The following DGKB variants were observed in gnomAD, a reference collection of about 807,000 sequenced individuals.
The protein encoded by DGKB is diacylglycerol kinase beta.
Under a neutral mutation model 114.3 loss-of-function variants are expected in DGKB, and 67 were observed. The observed-to-expected ratio is 0.59, with a 90% CI of 0.48 to 0.72. DGKB has a LOEUF of 0.72. Ranked by LOEUF, DGKB falls within the 30% of genes least tolerant of loss-of-function variation. DGKB has a pLI of 0.00. For synonymous variants in DGKB, 398 were observed against 323.1 expected (o/e 1.23, Z -2.49); for missense variants, 907 against 975.2 (o/e 0.93, Z 0.93).
chr7:14,813,122 T>C (rs1220532928), intron 2 of DGKB, among the ~76,000 whole-genome samples: 1 of 152,190 alleles, frequency 6.6e-6, no homozygotes, highest in African/African-American at 2.4e-5. Flanking sequence ...TTCAAAGATG[T>C]GTGAGAGGAA....
intron 23 of DGKB, among the ~76,000 whole-genome samples, chr7:14,333,474 A>G (rs1810099079): frequency 6.6e-6 from 1 of 151,904 alleles, no homozygotes; most frequent in African/African-American, 2.4e-5. Flanking sequence ...AAAAAAAAAA[A>G]AAAAAAAATC....
Position 14,613,433 on chromosome 7 carries a change from C to T in DGKB, c.1285-20G>A. 7.1e-7 allele frequency: 1 copy of T among 1,408,592 alleles called. No homozygotes were observed. The highest frequency in any genetic ancestry group is 9.7e-7 in the Non-Finnish European group (1 of 1,026,460). The allele number at this position is 1,408,592 out of a possible 1,614,324, so 87.3% of individuals were successfully genotyped here. A position where few individuals can be genotyped will look rare whatever the true frequency, so the allele number is the denominator to read the frequency against. Reference sequence around the variant, plus strand: ...AGTGACCTATAAGAAAAGTTATATACATGGAAAAATTATTAGGCCCATTAT... The same window carrying T: ...AGTGACCTATAAGAAAAGTTATATATATGGAAAAATTATTAGGCCCATTAT... On this transcript the variant is annotated intron_variant, in intron 15 of 25. Transcript: ENST00000402815.
intron 2 of DGKB, among the ~76,000 whole-genome samples, chr7:14,827,354 C>A (rs942176587): frequency 2.0e-5 from 3 of 151,930 alleles, no homozygotes; most frequent in Admixed American, 2.0e-4. Flanking sequence ...GTTTCAGAAG[C>A]CTCTTCTGTG....
chr7:14,312,898 T>C (rs1805651584), intron 23 of DGKB, among the ~76,000 whole-genome samples: 1 of 152,222 alleles, frequency 6.6e-6, no homozygotes, highest in African/African-American at 2.4e-5. Flanking sequence ...TCAACAAGTA[T>C]GATTTTTGAT....
At chr7:14,351,994 C>T (rs192990662) in intron 21 of DGKB, among the ~76,000 whole-genome samples, 198 of 152,064 alleles carry the variant, frequency 1.3e-3, no homozygotes, top group Non-Finnish European at 4.6e-4. Context: ...AATATTCACA[C>T]CGAAGAAGGC....
At chr7:14,891,660 T>G (rs1781246341) in intron 1 of DGKB, among the ~76,000 whole-genome samples, 1 of 151,356 alleles carries the variant, frequency 6.6e-6, no homozygotes, top group South Asian at 2.1e-4. Flanking sequence ...ATTGAGGATA[T>G]TAATGATTTT....
intron 23 of DGKB, among the ~76,000 whole-genome samples, chr7:14,310,306 C>T (rs1299395162): frequency 3.3e-5 from 5 of 152,076 alleles, no homozygotes; most frequent in Non-Finnish European, 7.4e-5. Context: ...CATTACAGAA[C>T]AGGGATTCTT....
At chr7:14,346,492 T>A (rs1562980466) in intron 21 of DGKB, among the ~76,000 whole-genome samples, 1 of 151,954 alleles carries the variant, frequency 6.6e-6, no homozygotes, top group Non-Finnish European at 1.5e-5. Flanking sequence ...AATCCCTTCA[T>A]GAATCAGTCA....
chr7:14,916,169 C>A lies in DGKB; in HGVS notation c.-188+58527G>T, dbSNP rs534249647. Among the ~76,000 whole-genome samples, 10 of 151,776 alleles carry A rather than the reference C, an allele frequency of 6.6e-5. No individual in the cohort carries two copies. In the East Asian group the frequency reaches 1.9e-3, roughly 29 times the overall value. On this transcript the variant is annotated intron_variant, in intron 1 of 4. Transcript: ENST00000437998. ...TAGCTGCCAATACATATTGCAAACT[C>A]TGAGATAACCCCTAACATTTTTGAA...
Position 14,853,151 on chromosome 7 carries a change from G to A in DGKB, c.-187-11701C>T, listed in dbSNP as rs73052980. On this transcript the variant is annotated intron_variant, in intron 1 of 25. Coordinates refer to ENST00000402815, the MANE Select transcript of DGKB (RefSeq NM_001350709.2). The stretch of plus-strand genomic sequence containing the variant: ...CTAAGGAAAATCACTATTGAAGCAC[G>A]CGAGGGACTTTTTTACCAAACGATA... Among the ~76,000 whole-genome samples the A allele has an allele frequency of 2.8e-3, 428 of 152,128 alleles. 1 individual carries two copies. The highest frequency in any genetic ancestry group is 4.5e-3 in the Non-Finnish European group (306 of 67,996).
intron 21 of DGKB, among the ~76,000 whole-genome samples, chr7:14,406,883 T>C (rs1222929441): frequency 6.6e-6 from 1 of 152,116 alleles, no homozygotes; most frequent in Non-Finnish European, 1.5e-5. Flanking sequence ...GCTTGATCTA[T>C]GTTTGGGGTT....
intron 21 of DGKB, among the ~76,000 whole-genome samples, chr7:14,470,947 T>C (rs1467356491): frequency 6.6e-6 from 1 of 151,396 alleles, no homozygotes; most frequent in Non-Finnish European, 1.5e-5. Flanking sequence ...TAAAAATATT[T>C]GGCTTTGATA....
chr7:14,662,182 G>A (rs988475781), intron 13 of DGKB, among the ~76,000 whole-genome samples: 3 of 148,970 alleles, frequency 2.0e-5, no homozygotes, highest in Admixed American at 1.4e-4. Flanking sequence ...TTGTGCACAT[G>A]TACCCTAAAA....
intron 21 of DGKB, among the ~76,000 whole-genome samples, chr7:14,429,933 C>CA: frequency 9.6e-6 from 1 of 103,994 alleles, no homozygotes; most frequent in East Asian, 2.5e-4. Context: ...TCCCCCCCCC[C>CA]AAAAAAAAGG....
intron 23 of DGKB, among the ~76,000 whole-genome samples, chr7:14,324,045 G>C (rs78681614): frequency 0.018 from 2,806 of 152,234 alleles, 87 homozygotes; most frequent in African/African-American, 0.064. Context: ...GAAACCAGCA[G>C]TTAATCAAGA....
intron 20 of DGKB, among the ~76,000 whole-genome samples, chr7:14,544,359 T>C (rs957483556): frequency 6.6e-6 from 1 of 152,180 alleles, no homozygotes; most frequent in African/African-American, 2.4e-5. Flanking sequence ...AAAGTAGTGG[T>C]TTGTATTAGC....
rs1804738027 is a variant in DGKB at position 14,607,524 on chromosome 7, T to A, written c.1359-16A>T. 2 of 1,310,512 alleles carry A rather than the reference T, an allele frequency of 1.5e-6. No homozygotes were observed. Among genetic ancestry groups the A allele is most frequent in the Admixed American group, 3.5e-5 (2 of 56,808 alleles). 81.2% of individuals were successfully genotyped at this position (1,310,512 alleles called of 1,614,324 possible). On this transcript the variant is annotated splice_polypyrimidine_tract_variant and intron_variant, in intron 16 of 25. Coordinates refer to ENST00000402815, the MANE Select transcript of DGKB (RefSeq NM_001350709.2). ...TCTGTAAATTCTATAAAGGTGAAAATGTGGGGAAAAAATTTAATAATATTC... is the reference window on the plus strand; with the variant it reads ...TCTGTAAATTCTATAAAGGTGAAAAAGTGGGGAAAAAATTTAATAATATTC...
intron 25 of DGKB, among the ~76,000 whole-genome samples, chr7:14,153,945 C>G (rs111266583): frequency 1.3e-5 from 2 of 151,928 alleles, no homozygotes; most frequent in African/African-American, 4.8e-5. Flanking sequence ...TTTTCAGTCA[C>G]AAAAGTATCT....
chr7:14,176,814 A>G (rs1248532673), intron 25 of DGKB, 25 bp downstream of exon 25: 1 of 1,602,214 alleles, frequency 6.2e-7, no homozygotes, highest in Non-Finnish European at 8.5e-7. Flanking sequence ...AGATTGACAT[A>G]GCATATCAAC....
Sources: gnomAD v4.1 joint callset for allele counts (sites outside exome capture counted in the v4.1 genomes callset) on GRCh38, gnomAD v4.1.1 for gene constraint, MANE v1.5 for transcripts, NCBI Gene and HGNC (gene_info 2026-07-23, HGNC 2026-07-21) for gene names.